PDE10A: variants seen among roughly 807,000 people sequenced by gnomAD.
PDE10A encodes phosphodiesterase 10A.
In PDE10A, 39 loss-of-function variants were observed where a neutral mutation model predicts 97.7. That is an observed-to-expected ratio of 0.40 (90% CI 0.31 to 0.52). PDE10A has a LOEUF of 0.52. Among genes scored for constraint, PDE10A ranks in the 20% least tolerant of loss-of-function variants. The probability of loss-of-function intolerance (pLI) is 0.56; values close to 1 mark genes in which losing one functional copy is unlikely to be tolerated. For synonymous variants in PDE10A, 371 were observed against 376.8 expected, an observed-to-expected ratio of 0.98 and a Z score of 0.18; for missense variants, 731 against 1,047.8, an observed-to-expected ratio of 0.70 and a Z score of 4.17.
intron 1 of PDE10A, among the ~76,000 whole-genome samples, chr6:165,642,943 T>TGG (rs1789210349): frequency 2.0e-5 from 3 of 152,332 alleles, no homozygotes; most frequent in East Asian, 3.9e-4. Flanking sequence ...CTCATACATA[T>TGG]TTTTGTCAAA....
At chr6:165,712,703 G>A (rs984441994) in intron 1 of PDE10A, among the ~76,000 whole-genome samples, 37 of 135,962 alleles carry the variant, frequency 2.7e-4, no homozygotes, top group African/African-American at 1.1e-3. Flanking sequence ...GCAGCGGCGC[G>A]ATCTCGGCTC....
intron 1 of PDE10A, among the ~76,000 whole-genome samples, chr6:165,587,285 TGAAAGTATATACAGGGA>T (rs1785970528): frequency 6.6e-6 from 1 of 152,088 alleles, no homozygotes; most frequent in Admixed American, 6.5e-5. Context: ...ATAAACTTTT[TGAAAGTATATACAGGGA>T]GAAAGCAATT....
At chr6:165,813,181 G>C (rs576845740) in intron 1 of PDE10A, among the ~76,000 whole-genome samples, 2 of 152,266 alleles carry the variant, frequency 1.3e-5, no homozygotes, top group East Asian at 3.9e-4. Context: ...GCTAGACCTT[G>C]GTCTAGATGA....
At chr6:165,657,713 T>C (rs760026812) in intron 1 of PDE10A, among the ~76,000 whole-genome samples, 2 of 152,250 alleles carry the variant, frequency 1.3e-5, no homozygotes, top group Non-Finnish European at 2.9e-5. Flanking sequence ...AATTTTCTCA[T>C]GCAGGTTTCT....
At chr6:165,926,378 T>C (rs892163003) in intron 1 of PDE10A, among the ~76,000 whole-genome samples, 4 of 152,254 alleles carry the variant, frequency 2.6e-5, no homozygotes, top group Non-Finnish European at 5.9e-5. Context: ...TCTCCTTTAG[T>C]GTTGAGAAAC....
chr6:165,378,746 C>G (rs1784764548), intron 18 of PDE10A, among the ~76,000 whole-genome samples: 1 of 152,212 alleles, frequency 6.6e-6, no homozygotes, highest in African/African-American at 2.4e-5. Context: ...CTGCCTAATA[C>G]AATTACAGAT....
intron 1 of PDE10A, among the ~76,000 whole-genome samples, chr6:165,937,184 C>T (rs1383489044): frequency 1.3e-5 from 2 of 152,198 alleles, no homozygotes; most frequent in African/African-American, 4.8e-5. Flanking sequence ...ACCCACTGGG[C>T]TTGGCCATCA....
intron 1 of PDE10A, among the ~76,000 whole-genome samples, chr6:165,828,951 AG>A (rs1251085784): frequency 6.6e-6 from 1 of 152,268 alleles, no homozygotes; most frequent in Non-Finnish European, 1.5e-5. Context: ...CTAGTTAATC[AG>A]TAAAGTATTG....
intron 10 of PDE10A, among the ~76,000 whole-genome samples, chr6:165,419,824 G>A (rs184386494): frequency 1.6e-4 from 24 of 152,278 alleles, no homozygotes; most frequent in Admixed American, 1.3e-3. Context: ...CAAAGTCTCT[G>A]CAAGAGGAAC....
At chr6:165,784,426 C>T (rs1726639758) in intron 1 of PDE10A, among the ~76,000 whole-genome samples, 1 of 151,954 alleles carries the variant, frequency 6.6e-6, no homozygotes, top group South Asian at 2.1e-4. Context: ...ACTAAGGGAC[C>T]TTAGGACAAC....
rs112834983 is a variant in PDE10A at position 165,446,206 on chromosome 6, C to T, written c.1194+2722G>A. On this transcript the variant is annotated intron_variant, in intron 5 of 21. Coordinates refer to ENST00000539869, the MANE Select transcript of PDE10A (RefSeq NM_001385079.1). Reference sequence around the variant, plus strand: ...TCTACCAAAGATATATTCCAAGGAGCGGGTGAAATGAAGACAAATTCACAC... The same window carrying T: ...TCTACCAAAGATATATTCCAAGGAGTGGGTGAAATGAAGACAAATTCACAC... Among the ~76,000 whole-genome samples, 1,071 of 152,188 alleles carry T rather than the reference C, an allele frequency of 7.0e-3. 12 individuals are homozygous for T. The highest frequency in any genetic ancestry group is 0.024 in the African/African-American group (1,016 of 41,516).
intron 2 of PDE10A, among the ~76,000 whole-genome samples, chr6:165,527,331 C>G (rs756579271): frequency 3.9e-5 from 6 of 152,216 alleles, no homozygotes; most frequent in Non-Finnish European, 7.3e-5. Flanking sequence ...AAAGGCTCTG[C>G]AACAGGTCCA....
chr6:165,751,709 G>T (rs55993819), intron 1 of PDE10A, among the ~76,000 whole-genome samples: 11,752 of 152,234 alleles, frequency 0.077, 521 homozygotes, highest in African/African-American at 0.12. Flanking sequence ...ATCAGCATAA[G>T]ACAGTCCCAG....
intron 1 of PDE10A, among the ~76,000 whole-genome samples, chr6:165,982,800 T>C (rs1160635288): frequency 6.6e-6 from 1 of 152,186 alleles, no homozygotes; most frequent in African/African-American, 2.4e-5. Context: ...TTTCCACATG[T>C]CCATTCAGTT....
intron 1 of PDE10A, among the ~76,000 whole-genome samples, chr6:165,858,053 A>G (rs1478468619): frequency 6.6e-6 from 1 of 152,232 alleles, no homozygotes; most frequent in Non-Finnish European, 1.5e-5. Flanking sequence ...GTTAGTTATC[A>G]GCATTTTGCT....
chr6:165,659,897 C>T (rs1446656600), intron 1 of PDE10A, among the ~76,000 whole-genome samples: 1 of 152,190 alleles, frequency 6.6e-6, no homozygotes, highest in Non-Finnish European at 1.5e-5. Flanking sequence ...CCTGAACACA[C>T]GAGCCAACAG....
chr6:165,371,781 G>A (rs1732392366), intron 18 of PDE10A, among the ~76,000 whole-genome samples: 1 of 151,930 alleles, frequency 6.6e-6, no homozygotes, highest in African/African-American at 2.4e-5. Flanking sequence ...CCAAAAAAGA[G>A]AATTTTAGAC....
chr6:165,655,529 G>A lies in PDE10A; in HGVS notation c.865+6418C>T, dbSNP rs543759862. Reference sequence around the variant, plus strand: ...CAACCCACCTGCAGGTCTTATACACGCCACCTCCAAACACCTCCTGAACCA... The same window carrying A: ...CAACCCACCTGCAGGTCTTATACACACCACCTCCAAACACCTCCTGAACCA... On this transcript the variant is annotated intron_variant, in intron 1 of 21. Coordinates refer to ENST00000539869, the MANE Select transcript of PDE10A (RefSeq NM_001385079.1). The surrounding 1 kb of genome is among the most constrained non-coding windows in gnomAD (Gnocchi z 4.5). Among the ~76,000 whole-genome samples, 28 of 150,450 alleles carry A rather than the reference G, an allele frequency of 1.9e-4. No homozygotes were observed. The South Asian group carries it at 2.1e-3, about 11-fold the overall frequency.
intron 1 of PDE10A, among the ~76,000 whole-genome samples, chr6:165,757,260 C>T (rs1450239653): frequency 6.6e-6 from 1 of 152,146 alleles, no homozygotes; most frequent in Non-Finnish European, 1.5e-5. Flanking sequence ...CCGTGCCCAG[C>T]CTAGGATGCT....
Sources: gnomAD v4.1 joint callset for allele counts (sites outside exome capture counted in the v4.1 genomes callset) on GRCh38, gnomAD v4.1.1 for gene constraint, Gnocchi (gnomAD v3.1) non-coding constraint, MANE v1.5 for transcripts, NCBI Gene and HGNC (gene_info 2026-07-23, HGNC 2026-07-21) for gene names.